TAFA2: variants seen among roughly 807,000 people sequenced by gnomAD.
TAFA2 encodes TAFA chemokine like family member 2.
Under a neutral mutation model 18.8 loss-of-function variants are expected in TAFA2, and 7 were observed. The observed-to-expected ratio is 0.37, with a 90% CI of 0.21 to 0.70. The LOEUF (loss-of-function observed/expected upper bound fraction) is 0.70, where lower values mean the gene tolerates loss of function less well. Among genes scored for constraint, TAFA2 ranks in the 30% least tolerant of loss-of-function variants. The pLI, the probability that TAFA2 is intolerant of heterozygous loss-of-function variation, is 0.53. For missense variants in TAFA2, 122 were observed against 158.1 expected (o/e 0.77, Z 1.23); for synonymous variants, 60 against 54.2 (o/e 1.11, Z -0.47).
chr12:62,155,715 T>C (rs2062364692), intron 1 of TAFA2, among the ~76,000 whole-genome samples: 1 of 152,086 alleles, frequency 6.6e-6, no homozygotes, highest in Non-Finnish European at 1.5e-5. Flanking sequence ...TTTCAACAAA[T>C]GGTGCTGGGA....
intron 2 of TAFA2, among the ~76,000 whole-genome samples, chr12:61,798,774 C>T (rs1480711157): frequency 6.6e-6 from 1 of 152,216 alleles, no homozygotes; most frequent in Non-Finnish European, 1.5e-5. Flanking sequence ...TTACATATTA[C>T]ATTGTTAAAC....
chr12:61,959,933 A>G (rs1878824379), intron 1 of TAFA2, among the ~76,000 whole-genome samples: 1 of 151,708 alleles, frequency 6.6e-6, no homozygotes, highest in Non-Finnish European at 1.5e-5. Context: ...CTATTCACAG[A>G]TGTGATCGTA....
chr12:61,794,714 C>CA (rs1871120992), intron 2 of TAFA2, among the ~76,000 whole-genome samples: 2 of 151,872 alleles, frequency 1.3e-5, no homozygotes, highest in African/African-American at 4.8e-5. Context: ...AAAATGCCCC[C>CA]AAAAATTGAC....
rs535699156 is a variant in TAFA2, at chr12:62,244,670, T to C, written c.-130+14093A>G. Among the ~76,000 whole-genome samples, 4 of 152,308 alleles carry C rather than the reference T, an allele frequency of 2.6e-5. No individual in the cohort carries two copies. The South Asian group carries it at 8.3e-4, about 32-fold the overall frequency. On this transcript the variant is annotated intron_variant, in intron 1 of 5. Coordinates refer to the TAFA2 transcript ENST00000551619. Reference sequence around the variant, plus strand: ...CCAAATTGTCCCCCAAAGTAGTTTTTTTCTATTTATACTCCTATCAGCAGA... The same window carrying C: ...CCAAATTGTCCCCCAAAGTAGTTTTCTTCTATTTATACTCCTATCAGCAGA...
chr12:62,242,811 T>C (rs1305306248), intron 1 of TAFA2, among the ~76,000 whole-genome samples: 2 of 152,220 alleles, frequency 1.3e-5, no homozygotes, highest in Non-Finnish European at 2.9e-5. Context: ...AGCTTCTTAG[T>C]TTGAGAAAAT....
intron 2 of TAFA2, among the ~76,000 whole-genome samples, chr12:61,859,569 G>A (rs557389442): frequency 2.6e-5 from 4 of 152,098 alleles, no homozygotes; most frequent in African/African-American, 9.7e-5. Context: ...TCAGCCTCCC[G>A]AGTAGCTGGG....
chr12:62,050,425 AGCC>A, intron 1 of TAFA2, among the ~76,000 whole-genome samples: 1 of 151,998 alleles, frequency 6.6e-6, no homozygotes, highest in Middle Eastern at 3.2e-3. Context: ...CAAAAAAATT[AGCC>A]GGGCGTGGTG....
chr12:62,169,372 C>A (rs571002943), intron 1 of TAFA2, among the ~76,000 whole-genome samples: 1 of 152,228 alleles, frequency 6.6e-6, no homozygotes, highest in African/African-American at 2.4e-5. Context: ...CTCAAAAGCA[C>A]CCCTACAGAT....
chr12:62,123,223 C>G (rs576594797), intron 1 of TAFA2, among the ~76,000 whole-genome samples: 1 of 152,280 alleles, frequency 6.6e-6, no homozygotes, highest in East Asian at 1.9e-4. Context: ...TGCCCACACT[C>G]CACACCTCAT....
intron 2 of TAFA2, among the ~76,000 whole-genome samples, chr12:61,825,194 T>TA (rs1336251849): frequency 1.3e-5 from 2 of 151,902 alleles, no homozygotes; most frequent in Non-Finnish European, 2.9e-5. Context: ...TAGTGTCAAT[T>TA]AAAAAATAAT....
At chr12:61,895,763 T>TA (rs1230087494) in intron 1 of TAFA2, among the ~76,000 whole-genome samples, 1 of 152,124 alleles carries the variant, frequency 6.6e-6, no homozygotes, top group Non-Finnish European at 1.5e-5. Context: ...CACAGCTAAA[T>TA]AGTAGGTACT....
intron 1 of TAFA2, among the ~76,000 whole-genome samples, chr12:62,231,066 A>C (rs1256997360): frequency 1.3e-5 from 2 of 152,236 alleles, no homozygotes; most frequent in Non-Finnish European, 2.9e-5. Context: ...CATTTGATCC[A>C]CAGTGTAGTT....
At chr12:61,922,826 C>T (rs976313085) in intron 1 of TAFA2, among the ~76,000 whole-genome samples, 1 of 152,162 alleles carries the variant, frequency 6.6e-6, no homozygotes, top group Non-Finnish European at 1.5e-5. Context: ...CCATGGAGCC[C>T]AGCAAGCTAA....
intron 1 of TAFA2, among the ~76,000 whole-genome samples, chr12:61,948,562 T>C (rs907770294): frequency 1.3e-5 from 2 of 152,130 alleles, no homozygotes; most frequent in Admixed American, 6.6e-5. Flanking sequence ...TCCATGCATA[T>C]AGCACACAAA....
intron 1 of TAFA2, among the ~76,000 whole-genome samples, chr12:62,254,356 C>T (rs1001067564): frequency 6.6e-6 from 1 of 152,114 alleles, no homozygotes; most frequent in Admixed American, 6.6e-5. Context: ...TTTCCAGTAT[C>T]ACAGAACTAG....
intron 2 of TAFA2, among the ~76,000 whole-genome samples, chr12:61,863,948 C>T (rs1244861615): frequency 2.0e-5 from 3 of 152,120 alleles, no homozygotes; most frequent in African/African-American, 4.8e-5. Flanking sequence ...ATTCATGCCT[C>T]GGAGATTCCC....
chr12:61,731,043 C>T (rs1250088189), intron 4 of TAFA2, among the ~76,000 whole-genome samples: 3 of 152,264 alleles, frequency 2.0e-5, no homozygotes, highest in South Asian at 4.1e-4. Context: ...GACTGCCTTC[C>T]CCAAGGACCC....
chr12:61,966,025 G>A (rs1030675020), intron 1 of TAFA2, among the ~76,000 whole-genome samples: 3 of 151,770 alleles, frequency 2.0e-5, no homozygotes, highest in East Asian at 1.9e-4. Context: ...CGCTGTGAAC[G>A]TGGGGGTATA....
chr12:62,255,350 T>C (rs929363842), intron 1 of TAFA2: 3 of 152,138 alleles, frequency 2.0e-5, no homozygotes, highest in Admixed American at 6.5e-5. Flanking sequence ...AAATATAAAG[T>C]AGGCAGATTT....
Sources: allele counts gnomAD v4.1 joint callset (sites outside exome capture counted in the v4.1 genomes callset), GRCh38; gene constraint gnomAD v4.1.1; transcripts MANE v1.5; gene names NCBI Gene and HGNC (gene_info 2026-07-23, HGNC 2026-07-21).